Variants in TBC1D5 observed in about 807,000 individuals in gnomAD.
TBC1D5 encodes the protein TBC1 domain family, member 5.
Under a neutral mutation model 100.3 loss-of-function variants are expected in TBC1D5, and 75 were observed. The ratio of observed to expected loss-of-function variants is 0.75; its 90% CI spans 0.62 to 0.91. The LOEUF is 0.91. TBC1D5 is among the 40% of genes least tolerant of loss of function. The pLI is 0.00. For missense variants in TBC1D5, 910 were observed against 942.4 expected, an observed-to-expected ratio of 0.97 and a Z score of 0.45; for synonymous variants, 323 against 325.6, an observed-to-expected ratio of 0.99 and a Z score of 0.09.
At chr3:17,353,025 A>T (rs1404864695) in intron 13 of TBC1D5, among the ~76,000 whole-genome samples, 1 of 152,106 alleles carries the variant, frequency 6.6e-6, no homozygotes, top group Non-Finnish European at 1.5e-5. Flanking sequence ...TGAAATTGCT[A>T]TCTCAGTAAT....
intron 17 of TBC1D5, among the ~76,000 whole-genome samples, chr3:17,226,735 T>C (rs1325045143): frequency 6.6e-6 from 1 of 152,174 alleles, no homozygotes; most frequent in African/African-American, 2.4e-5. Flanking sequence ...ACTCCCCAGG[T>C]ACTGATCTCA....
In TBC1D5 at chr3:17,363,735, G is replaced by C. The variant is rs373140117; in HGVS notation, c.995+8340C>G. Among the ~76,000 whole-genome samples, 7 of 151,822 alleles carry C rather than the reference G, an allele frequency of 4.6e-5. No homozygotes were observed. In the East Asian group the frequency reaches 5.8e-4, roughly 13 times the overall value. ...TGTTTCTTTAAATGTTTGAATAGCT[G>C]AAAGTTTTCACTATATGTACTGGCC... On this transcript the variant is annotated intron_variant, in intron 13 of 21. Coordinates refer to ENST00000253692, the Ensembl canonical transcript of TBC1D5.
At chr3:17,177,972 T>C (rs1450985129) in intron 19 of TBC1D5, among the ~76,000 whole-genome samples, 1 of 152,162 alleles carries the variant, frequency 6.6e-6, no homozygotes, top group Non-Finnish European at 1.5e-5. Flanking sequence ...GAAAAGTTTG[T>C]CTTTCTGTGC....
intron 4 of TBC1D5, 30 bp downstream of exon 4, chr3:17,428,420 T>C: frequency 1.8e-6 from 1 of 545,444 alleles, no homozygotes; most frequent in Non-Finnish European, 2.8e-6. Context: ...TGTATATATA[T>C]ATATATATAT....
intron 18 of TBC1D5, among the ~76,000 whole-genome samples, chr3:17,202,846 A>C (rs2071638810): frequency 6.6e-6 from 1 of 152,226 alleles, no homozygotes; most frequent in Non-Finnish European, 1.5e-5. Flanking sequence ...GGATGTATGG[A>C]AACTGCTGGA....
rs1469572765 is a variant in TBC1D5 at position 17,291,891 on chromosome 3, T to C, written c.1245+4A>G. 6.2e-7 allele frequency: 1 copy of C among 1,612,136 alleles called. No homozygotes were observed. The highest frequency in any genetic ancestry group is 8.5e-7 in the Non-Finnish European group (1 of 1,179,032). On this transcript the variant is annotated splice_donor_region_variant and intron_variant, in intron 15 of 21. Coordinates refer to ENST00000253692, the Ensembl canonical transcript of TBC1D5. ...ATTATGCATACCCTACTGGGGAAGC[T>C]TACCTTTGGATCTCTAAGGAACAGA...
chr3:17,559,589 C>A (rs1401648152), intron 2 of TBC1D5, among the ~76,000 whole-genome samples: 3 of 145,412 alleles, frequency 2.1e-5, no homozygotes, highest in Non-Finnish European at 3.1e-5. Context: ...CAATACAAAT[C>A]TAGAATTTTT....
intron 8 of TBC1D5, among the ~76,000 whole-genome samples, chr3:17,385,820 C>A (rs918782710): frequency 1.3e-4 from 20 of 151,944 alleles, no homozygotes; most frequent in Non-Finnish European, 2.9e-5. Flanking sequence ...ATCTCCCAGG[C>A]AGTCCCTATC....
At chr3:17,448,424 GT>G (rs1244485899) in intron 3 of TBC1D5, among the ~76,000 whole-genome samples, 15 of 152,228 alleles carry the variant, frequency 9.9e-5, no homozygotes, top group African/African-American at 2.9e-4. Flanking sequence ...TTTCCAGAAG[GT>G]TCCAATGTAT....
chr3:17,589,458 T>C (rs1236073999), intron 2 of TBC1D5, among the ~76,000 whole-genome samples: 1 of 152,208 alleles, frequency 6.6e-6, no homozygotes, highest in Non-Finnish European at 1.5e-5. Context: ...TCCCGTGCTG[T>C]TCTTGTGATA....
intron 13 of TBC1D5, among the ~76,000 whole-genome samples, chr3:17,309,885 C>T (rs1009385022): frequency 3.3e-5 from 5 of 152,012 alleles, no homozygotes; most frequent in East Asian, 1.9e-4. Context: ...CACTCTTAAA[C>T]GATGAAAACA....
intron 8 of TBC1D5, among the ~76,000 whole-genome samples, chr3:17,388,591 A>G (rs942011877): frequency 1.1e-4 from 17 of 151,714 alleles, no homozygotes; most frequent in African/African-American, 2.9e-4. Context: ...GCTCACACCT[A>G]TAATCCCAGC....
At chr3:17,344,548 C>G (rs889842992) in intron 13 of TBC1D5, among the ~76,000 whole-genome samples, 2 of 151,956 alleles carry the variant, frequency 1.3e-5, no homozygotes, top group Admixed American at 1.3e-4. Context: ...ACTTTCTTCA[C>G]AGAATTGGAA....
At chr3:17,662,529 T>C (rs2066765660) in intron 1 of TBC1D5, among the ~76,000 whole-genome samples, 1 of 152,232 alleles carries the variant, frequency 6.6e-6, no homozygotes, top group African/African-American at 2.4e-5. Context: ...TTGATTTTTT[T>C]CTCTAGAGTA....
intron 18 of TBC1D5, among the ~76,000 whole-genome samples, chr3:17,194,311 G>A (rs1017567289): frequency 3.3e-5 from 5 of 152,166 alleles, no homozygotes; most frequent in Non-Finnish European, 7.4e-5. Context: ...GTGACAGTCC[G>A]AAAGACCTCT....
chr3:17,413,468 T>G (rs1400580552), intron 4 of TBC1D5, among the ~76,000 whole-genome samples: 3 of 152,178 alleles, frequency 2.0e-5, no homozygotes, highest in Admixed American at 1.3e-4. Flanking sequence ...AATCAGAATA[T>G]GTAGTGGATA....
At chr3:17,267,410 C>T (rs1333995015) in intron 15 of TBC1D5, among the ~76,000 whole-genome samples, 4 of 151,964 alleles carry the variant, frequency 2.6e-5, no homozygotes, top group African/African-American at 9.7e-5. Flanking sequence ...GAGAGATTTA[C>T]TTCAACGCTT....
At chr3:17,683,598 T>G (rs546599360) in intron 1 of TBC1D5, among the ~76,000 whole-genome samples, 2 of 152,156 alleles carry the variant, frequency 1.3e-5, no homozygotes, top group African/African-American at 2.4e-5. Context: ...AAAACAACTT[T>G]GGTTAAAAAC....
At chr3:17,267,182 T>G (rs983369852) in intron 15 of TBC1D5, among the ~76,000 whole-genome samples, 23 of 152,302 alleles carry the variant, frequency 1.5e-4, no homozygotes, top group African/African-American at 5.5e-4. Context: ...TGTATTTACA[T>G]TTTTGAATTT....
Sources: gnomAD v4.1 joint callset for allele counts (sites outside exome capture counted in the v4.1 genomes callset) on GRCh38, gnomAD v4.1.1 for gene constraint, MANE v1.5 for transcripts, NCBI Gene and HGNC (gene_info 2026-07-23, HGNC 2026-07-21) for gene names.